The following PRSS3 variants were observed in gnomAD, a reference collection of about 807,000 sequenced individuals.
PRSS3 encodes the protein serine protease 3, also known as trypsin-3.
PRSS3 carries 14 observed loss-of-function variants against 20.8 expected under a neutral mutation model. That is an observed-to-expected ratio of 0.67 (90% CI 0.44 to 1.05). The LOEUF (loss-of-function observed/expected upper bound fraction) is 1.05, where lower values mean the gene tolerates loss of function less well. Among genes scored for constraint, PRSS3 ranks in the 50% least tolerant of loss-of-function variants. The pLI, the probability that PRSS3 is intolerant of heterozygous loss-of-function variation, is 0.00. For missense variants in PRSS3, 237 were observed against 306.4 expected (o/e 0.77, Z 1.69); for synonymous variants, 91 against 117.6 (o/e 0.77, Z 1.46).
chr9:33,798,420 T>C (rs879234447), intron 3 of PRSS3, 66 bp from the exon 4 acceptor site: 1 of 1,594,704 alleles, frequency 6.3e-7, no homozygotes, highest in East Asian at 2.2e-5. Flanking sequence ...CCATCCCAGA[T>C]TATTGTCTCC....
intron 1 of PRSS3, among the ~76,000 whole-genome samples, chr9:33,756,175 G>A (rs1280046845): frequency 6.6e-6 from 1 of 151,998 alleles, no homozygotes; most frequent in Non-Finnish European, 1.5e-5. Flanking sequence ...GCTGGGTATG[G>A]GATATTAATC....
upstream of PRSS3, among the ~76,000 whole-genome samples, chr9:33,792,739 T>A (rs1824690819): frequency 6.6e-6 from 1 of 152,114 alleles, no homozygotes; most frequent in Non-Finnish European, 1.5e-5. Flanking sequence ...GTGGTTGTAA[T>A]GTAAAATGAA....
intron 1 of PRSS3, among the ~76,000 whole-genome samples, chr9:33,788,122 C>T (rs141536771): frequency 6.6e-6 from 1 of 152,308 alleles, no homozygotes; most frequent in African/African-American, 2.4e-5. Flanking sequence ...TGGAACAGAG[C>T]CCTGGCTATT....
At chr9:33,783,913 A>C (rs922292281) in intron 1 of PRSS3, among the ~76,000 whole-genome samples, 5 of 149,226 alleles carry the variant, frequency 3.4e-5, no homozygotes, top group African/African-American at 1.2e-4. Context: ...AAAAAGAAGG[A>C]GGAGGAGTCA....
chr9:33,797,223 C>T (rs896484320), intron 2 of PRSS3, among the ~76,000 whole-genome samples: 5 of 152,186 alleles, frequency 3.3e-5, no homozygotes, highest in Admixed American at 1.3e-4. Flanking sequence ...AGCTGAGAAC[C>T]GCTGCCTACA....
At chr9:33,757,188 G>A (rs1352151825) in intron 1 of PRSS3, among the ~76,000 whole-genome samples, 1 of 149,834 alleles carries the variant, frequency 6.7e-6, no homozygotes, top group Non-Finnish European at 1.5e-5. Context: ...AATGGGAAAT[G>A]TGTCCTTGAC....
intron 1 of PRSS3, among the ~76,000 whole-genome samples, chr9:33,783,293 G>T (rs752908628): frequency 5.3e-5 from 8 of 152,182 alleles, no homozygotes; most frequent in Non-Finnish European, 1.2e-4. Flanking sequence ...GTATGCATTT[G>T]TCAAAACTTG....
intron 1 of PRSS3, among the ~76,000 whole-genome samples, chr9:33,755,246 A>G (rs1299391335): frequency 6.6e-6 from 1 of 152,094 alleles, no homozygotes; most frequent in African/African-American, 2.4e-5. Flanking sequence ...CCTCTTGAGG[A>G]TATTACTTTA....
At chr9:33,761,592 G>T (rs1022035609) in intron 1 of PRSS3, among the ~76,000 whole-genome samples, 1 of 152,140 alleles carries the variant, frequency 6.6e-6, no homozygotes, top group African/African-American at 2.4e-5. Context: ...TGTAATCCCA[G>T]CTACTGGGGA....
intron 1 of PRSS3, among the ~76,000 whole-genome samples, chr9:33,763,236 A>T (rs1823279874): frequency 6.6e-6 from 1 of 152,216 alleles, no homozygotes; most frequent in African/African-American, 2.4e-5. Context: ...CCTCAGGCCC[A>T]TGTGTGAGCT....
intron 3 of PRSS3, 94 bp from the exon 4 acceptor site, chr9:33,798,391 AG>A: frequency 6.4e-7 from 1 of 1,559,218 alleles, no homozygotes; most frequent in Non-Finnish European, 8.8e-7. Flanking sequence ...CTCCAGAGGC[AG>A]TGTTCCTCTT....
intron 1 of PRSS3, among the ~76,000 whole-genome samples, chr9:33,780,658 C>T (rs966535677): frequency 8.5e-5 from 13 of 152,178 alleles, no homozygotes; most frequent in African/African-American, 3.1e-4. Context: ...TCAAGAGACC[C>T]ATCTCACATG....
intron 1 of PRSS3, among the ~76,000 whole-genome samples, chr9:33,795,869 G>A (rs1396849450): frequency 6.6e-6 from 1 of 152,230 alleles, no homozygotes; most frequent in Non-Finnish European, 1.5e-5. Flanking sequence ...GACCAGGTGG[G>A]GCTGGCCCAT....
intron 1 of PRSS3, among the ~76,000 whole-genome samples, chr9:33,781,801 T>G (rs1308506153): frequency 6.6e-6 from 1 of 152,206 alleles, no homozygotes; most frequent in Non-Finnish European, 1.5e-5. Flanking sequence ...CACAAAGAAT[T>G]TATGAGAAGT....
chr9:33,789,805 T>C (rs1824554851), intron 1 of PRSS3, among the ~76,000 whole-genome samples: 1 of 152,240 alleles, frequency 6.6e-6, no homozygotes, highest in African/African-American at 2.4e-5. Flanking sequence ...AGTAAAGCAC[T>C]GTGCTTAGGA....
intron 1 of PRSS3, among the ~76,000 whole-genome samples, chr9:33,764,567 A>C (rs1823341028): frequency 6.6e-6 from 1 of 152,188 alleles, no homozygotes; most frequent in African/African-American, 2.4e-5. Flanking sequence ...CATAAATATA[A>C]GAGCTAAAAC....
chr9:33,785,413 G>A (rs1391957834), intron 1 of PRSS3, among the ~76,000 whole-genome samples: 1 of 151,552 alleles, frequency 6.6e-6, no homozygotes, highest in Non-Finnish European at 1.5e-5. Context: ...TCCTGACCTC[G>A]TGATCCGCCC....
intron 1 of PRSS3, among the ~76,000 whole-genome samples, chr9:33,774,818 T>C (rs1476902236): frequency 6.6e-6 from 1 of 151,518 alleles, no homozygotes; most frequent in South Asian, 2.1e-4. Flanking sequence ...AAACCCTGCC[T>C]CTACTAAAAA....
chr9:33,773,575 A>T (rs1403585397), intron 1 of PRSS3, among the ~76,000 whole-genome samples: 2 of 152,226 alleles, frequency 1.3e-5, no homozygotes, highest in Non-Finnish European at 2.9e-5. Flanking sequence ...ATGTGAAATT[A>T]AAAAAAGAGG....
Sources: allele counts gnomAD v4.1 joint callset (sites outside exome capture counted in the v4.1 genomes callset), GRCh38; gene constraint gnomAD v4.1.1; transcripts MANE v1.5; gene names NCBI Gene and HGNC (gene_info 2026-07-23, HGNC 2026-07-21).